The following ANK3 variants were observed in gnomAD, a reference collection of about 807,000 sequenced individuals.
ANK3 encodes the protein ankyrin-3.
A neutral mutation model predicts 370.9 loss-of-function variants in ANK3; 57 were observed. That is an observed-to-expected ratio of 0.15 (90% confidence interval 0.12 to 0.19). The LOEUF is 0.19. Ranked by LOEUF, ANK3 falls within the 10% of genes least tolerant of loss-of-function variation. The probability of loss-of-function intolerance (pLI) is 1.00; values close to 1 mark genes in which losing one functional copy is unlikely to be tolerated. For missense variants in ANK3, 4,439 were observed against 5,302.1 expected (o/e 0.84, Z 5.06); for synonymous variants, 1,929 against 1,946.3 (o/e 0.99, Z 0.23).
At chr10:60,398,273 G>A (rs2063283747) in intron 2 of ANK3, among the ~76,000 whole-genome samples, 1 of 152,152 alleles carries the variant, frequency 6.6e-6, no homozygotes, top group African/African-American at 2.4e-5. Flanking sequence ...TTAGCTTACA[G>A]GCTATACCAA....
chr10:60,452,088 T>C (rs2064621218), intron 2 of ANK3, among the ~76,000 whole-genome samples: 1 of 152,212 alleles, frequency 6.6e-6, no homozygotes, highest in African/African-American at 2.4e-5. Context: ...TCACTGAAAA[T>C]GTTATCTTTA....
chr10:60,618,296 A>G (rs963196128), intron 1 of ANK3, among the ~76,000 whole-genome samples: 2 of 152,202 alleles, frequency 1.3e-5, no homozygotes, highest in Non-Finnish European at 2.9e-5. Context: ...TAGACCTTAT[A>G]AAACGTCTTC....
chr10:60,501,781 C>G (rs1225198933), intron 2 of ANK3, among the ~76,000 whole-genome samples: 2 of 151,778 alleles, frequency 1.3e-5, no homozygotes, highest in Non-Finnish European at 2.9e-5. Flanking sequence ...TGAGACCAGC[C>G]TGGGTAACAT....
intron 1 of ANK3, among the ~76,000 whole-genome samples, chr10:60,362,687 C>T (rs746708326): frequency 3.3e-5 from 5 of 152,154 alleles, no homozygotes; most frequent in Non-Finnish European, 7.3e-5. Context: ...CAGCACTCTG[C>T]ATACCTCCAG....
chr10:60,668,868 C>T (rs2079031845), intron 1 of ANK3, among the ~76,000 whole-genome samples: 1 of 152,120 alleles, frequency 6.6e-6, no homozygotes, highest in African/African-American at 2.4e-5. Context: ...TGGCGTGCAC[C>T]TGTATTCCCA....
intron 5 of ANK3, among the ~76,000 whole-genome samples, chr10:60,269,139 C>T (rs998153584): frequency 1.3e-5 from 2 of 152,170 alleles, no homozygotes; most frequent in African/African-American, 4.8e-5. Flanking sequence ...ATAAAAAATA[C>T]TCAAATATTG....
At chr10:60,377,647 T>C (rs1259161452) in intron 1 of ANK3, among the ~76,000 whole-genome samples, 1 of 152,076 alleles carries the variant, frequency 6.6e-6, no homozygotes, top group Non-Finnish European at 1.5e-5. Context: ...AATAAAGTAA[T>C]AAAAATGAAA....
At chr10:60,445,027 T>C (rs1285703648) in intron 2 of ANK3, among the ~76,000 whole-genome samples, 1 of 152,216 alleles carries the variant, frequency 6.6e-6, no homozygotes, top group Non-Finnish European at 1.5e-5. Context: ...GAGAGTTTTA[T>C]CCTTTAATAA....
intron 8 of ANK3, among the ~76,000 whole-genome samples, chr10:60,220,181 G>A (rs1282722162): frequency 3.3e-5 from 5 of 151,928 alleles, no homozygotes. Flanking sequence ...ATTTCATACA[G>A]ACTGCAGTAC....
At chr10:60,500,391 A>G (rs976593795) in intron 2 of ANK3, among the ~76,000 whole-genome samples, 1 of 152,160 alleles carries the variant, frequency 6.6e-6, no homozygotes, top group African/African-American at 2.4e-5. Flanking sequence ...GAAGAAAAAA[A>G]GAGTTTCAAT....
chr10:60,620,383 G>C (rs1293704823), intron 1 of ANK3, among the ~76,000 whole-genome samples: 8 of 152,084 alleles, frequency 5.3e-5, no homozygotes, highest in Admixed American at 4.6e-4. Flanking sequence ...CTGTTCTAAA[G>C]AGTTTACAAA....
chr10:60,195,243 G>GGT (rs1408851353), intron 16 of ANK3, among the ~76,000 whole-genome samples: 1 of 152,096 alleles, frequency 6.6e-6, no homozygotes, highest in African/African-American at 2.4e-5. Context: ...AATTGGCCAG[G>GGT]TGTGGTGGCA....
At chr10:60,306,636 T>G (rs1164796895) in intron 1 of ANK3, among the ~76,000 whole-genome samples, 1 of 152,132 alleles carries the variant, frequency 6.6e-6, no homozygotes, top group Non-Finnish European at 1.5e-5. Context: ...TTTAGTTCTT[T>G]AAGGAATCTC....
At chr10:60,280,095 A>G (rs1240990753) in intron 1 of ANK3, among the ~76,000 whole-genome samples, 3 of 152,130 alleles carry the variant, frequency 2.0e-5, no homozygotes, top group Admixed American at 6.5e-5. Context: ...ACAGGGTCTC[A>G]CTTTGTTGCT....
intron 2 of ANK3, among the ~76,000 whole-genome samples, chr10:60,599,424 AG>A (rs2078030781): frequency 6.6e-6 from 1 of 152,214 alleles, no homozygotes; most frequent in Non-Finnish European, 1.5e-5. Flanking sequence ...AAAAATATAA[AG>A]TCAAATACTT....
chr10:60,489,671 C>T (rs1398705441), intron 2 of ANK3, among the ~76,000 whole-genome samples: 2 of 152,142 alleles, frequency 1.3e-5, no homozygotes, highest in East Asian at 3.9e-4. Flanking sequence ...CAACAAAAGG[C>T]TCTTTAAATA....
chr10:60,240,197 CACACACATATATATACACATATATATAT>C (rs1592277201), intron 7 of ANK3, among the ~76,000 whole-genome samples: 1 of 124,120 alleles, frequency 8.1e-6, no homozygotes, highest in East Asian at 2.3e-4. Flanking sequence ...TATATATACA[CACACACATATATATACACATATATATAT>C]ACACACATAT....
intron 2 of ANK3, among the ~76,000 whole-genome samples, chr10:60,584,358 C>T (rs1424752656): frequency 2.0e-5 from 3 of 152,126 alleles, no homozygotes; most frequent in African/African-American, 7.2e-5. Flanking sequence ...ATGGCTCATG[C>T]CTGTAATTCC....
At chr10:60,331,865 T>C (rs2051418381) in intron 1 of ANK3, among the ~76,000 whole-genome samples, 1 of 152,160 alleles carries the variant, frequency 6.6e-6, no homozygotes, top group African/African-American at 2.4e-5. Context: ...CAGAAATGAA[T>C]ATTAAATATT....
Sources: gnomAD v4.1 joint callset for allele counts (sites outside exome capture counted in the v4.1 genomes callset) on GRCh38, gnomAD v4.1.1 for gene constraint, MANE v1.5 for transcripts, NCBI Gene and HGNC (gene_info 2026-07-23, HGNC 2026-07-21) for gene names.